The following NOS1AP variants were observed in gnomAD, a reference collection of about 807,000 sequenced individuals.
NOS1AP encodes nitric oxide synthase 1 adaptor protein.
A neutral mutation model predicts 56.2 loss-of-function variants in NOS1AP; 21 were observed. That is an observed-to-expected ratio of 0.37 (90% CI 0.26 to 0.54). NOS1AP has a LOEUF of 0.54. Among genes scored for constraint, NOS1AP ranks in the 20% least tolerant of loss-of-function variants. The probability of loss-of-function intolerance (pLI) is 0.84; values close to 1 mark genes in which losing one functional copy is unlikely to be tolerated. For missense variants in NOS1AP, 522 were observed against 657.8 expected, an observed-to-expected ratio of 0.79 and a Z score of 2.26; for synonymous variants, 270 against 274.6, an observed-to-expected ratio of 0.98 and a Z score of 0.17.
intron 2 of NOS1AP, among the ~76,000 whole-genome samples, chr1:162,209,517 T>A (rs1316364552): frequency 6.6e-6 from 1 of 152,216 alleles, no homozygotes; most frequent in African/African-American, 2.4e-5. Context: ...TATGAGGACT[T>A]GAACAAGTCA....
intron 2 of NOS1AP, among the ~76,000 whole-genome samples, chr1:162,156,421 AG>A (rs1649977303): frequency 6.6e-6 from 1 of 152,116 alleles, no homozygotes; most frequent in Non-Finnish European, 1.5e-5. Flanking sequence ...GAGTGTTTCC[AG>A]GCCTCTTCTT....
intron 2 of NOS1AP, among the ~76,000 whole-genome samples, chr1:162,260,860 C>G (rs1282190214): frequency 6.6e-6 from 1 of 151,936 alleles, no homozygotes; most frequent in African/African-American, 2.4e-5. Flanking sequence ...AATTTTTTTG[C>G]TATTCCAGTT....
At chr1:162,351,720 T>C (rs1320611255) in intron 6 of NOS1AP, among the ~76,000 whole-genome samples, 1 of 152,196 alleles carries the variant, frequency 6.6e-6, no homozygotes, top group Non-Finnish European at 1.5e-5. Context: ...AAGCCTTCCT[T>C]GTCCCTATGT....
At chr1:162,202,291 T>A (rs1020496835) in intron 2 of NOS1AP, among the ~76,000 whole-genome samples, 12 of 152,208 alleles carry the variant, frequency 7.9e-5, no homozygotes, top group East Asian at 1.9e-4. Flanking sequence ...ATAATTTTTT[T>A]AAAAAATCAG....
chr1:162,159,688 A>T (rs1257954470), intron 2 of NOS1AP, among the ~76,000 whole-genome samples: 2 of 152,134 alleles, frequency 1.3e-5, no homozygotes, highest in Admixed American at 6.5e-5. Flanking sequence ...AACATTTGGC[A>T]TGGTGCCCAT....
At chr1:162,264,485 C>T (rs1468618066) in intron 2 of NOS1AP, among the ~76,000 whole-genome samples, 32 of 108,034 alleles carry the variant, frequency 3.0e-4, no homozygotes, top group South Asian at 8.1e-4. Context: ...CCTCCCCTCC[C>T]CTCTCCTCCT....
At chr1:162,093,556 T>C (rs1692177720) in intron 1 of NOS1AP, among the ~76,000 whole-genome samples, 1 of 152,168 alleles carries the variant, frequency 6.6e-6, no homozygotes, top group African/African-American at 2.4e-5. Context: ...TGGCGCTTTA[T>C]TTTATTTTAT....
chr1:162,115,329 CA>C (rs1387566781), intron 1 of NOS1AP, among the ~76,000 whole-genome samples: 1 of 151,764 alleles, frequency 6.6e-6, no homozygotes, highest in Non-Finnish European at 1.5e-5. Context: ...TTTCTGACTT[CA>C]AATAATGACT....
At chr1:162,125,326 G>T (rs1648440229) in intron 1 of NOS1AP, among the ~76,000 whole-genome samples, 1 of 151,766 alleles carries the variant, frequency 6.6e-6, no homozygotes, top group Non-Finnish European at 1.5e-5. Context: ...TAGAGATGGG[G>T]TTTCACCATG....
intron 4 of NOS1AP, among the ~76,000 whole-genome samples, chr1:162,303,552 TC>T (rs1027718288): frequency 6.6e-6 from 1 of 152,072 alleles, no homozygotes; most frequent in Non-Finnish European, 1.5e-5. Flanking sequence ...AGCAATTCCC[TC>T]CCCTCAGCCT....
intron 3 of NOS1AP, among the ~76,000 whole-genome samples, chr1:162,294,150 G>A (rs1655360870): frequency 6.9e-6 from 1 of 145,226 alleles, no homozygotes; most frequent in Non-Finnish European, 1.5e-5. Flanking sequence ...GCAAGAGAGA[G>A]GGGAAGAAGG....
intron 4 of NOS1AP, among the ~76,000 whole-genome samples, chr1:162,321,731 A>AATATATATATATATAT (rs66879950): frequency 7.8e-6 from 1 of 128,492 alleles, no homozygotes; most frequent in Non-Finnish European, 1.7e-5. Context: ...AAAAAAAAAA[A>AATATATATATATATAT]ATATATATAT....
intron 6 of NOS1AP, among the ~76,000 whole-genome samples, chr1:162,349,522 T>A: frequency 6.6e-6 from 1 of 152,330 alleles, no homozygotes; most frequent in Admixed American, 6.5e-5. Context: ...TCTACCACCT[T>A]TCAGCTGGCT....
intron 8 of NOS1AP, among the ~76,000 whole-genome samples, chr1:162,361,108 T>C (rs1401307835): frequency 6.6e-6 from 1 of 152,200 alleles, no homozygotes; most frequent in Non-Finnish European, 1.5e-5. Flanking sequence ...GTGGCCGTAG[T>C]GTCACATCAC....
At chr1:162,305,723 T>C (rs943771652) in intron 4 of NOS1AP, among the ~76,000 whole-genome samples, 4 of 152,216 alleles carry the variant, frequency 2.6e-5, no homozygotes, top group African/African-American at 9.6e-5. Flanking sequence ...ACCCCCACAA[T>C]ATGAAGTTAT....
intron 2 of NOS1AP, among the ~76,000 whole-genome samples, chr1:162,249,939 A>G (rs1344313065): frequency 6.6e-6 from 1 of 152,156 alleles, no homozygotes; most frequent in African/African-American, 2.4e-5. Flanking sequence ...TGAGGAAGTA[A>G]AGACTTTGTA....
At chr1:162,280,470 T>A (rs1654884682) in intron 2 of NOS1AP, among the ~76,000 whole-genome samples, 2 of 152,252 alleles carry the variant, frequency 1.3e-5, no homozygotes, top group African/African-American at 2.4e-5. Context: ...CTGAATAGCA[T>A]GGTCTACATT....
chr1:162,225,008 C>T (rs1157177054), intron 2 of NOS1AP, among the ~76,000 whole-genome samples: 1 of 152,212 alleles, frequency 6.6e-6, no homozygotes, highest in East Asian at 1.9e-4. Context: ...GAGCTTTCTT[C>T]TTGGCAACCA....
chr1:162,150,013 A>T (rs1649643245), intron 1 of NOS1AP, among the ~76,000 whole-genome samples: 2 of 152,148 alleles, frequency 1.3e-5, no homozygotes, highest in South Asian at 4.1e-4. Flanking sequence ...TGTTATTTTT[A>T]AATGTACAAT....
Sources: gnomAD v4.1 joint callset for allele counts (sites outside exome capture counted in the v4.1 genomes callset) on GRCh38, gnomAD v4.1.1 for gene constraint, MANE v1.5 for transcripts, NCBI Gene and HGNC (gene_info 2026-07-23, HGNC 2026-07-21) for gene names.